The following ZFHX3 variants were observed in gnomAD, a reference collection of about 807,000 sequenced individuals.
The protein encoded by ZFHX3 is zinc finger homeobox 3.
A neutral mutation model predicts 279.1 loss-of-function variants in ZFHX3; 42 were observed. That is an observed-to-expected ratio of 0.15 (90% CI 0.12 to 0.19). The LOEUF (loss-of-function observed/expected upper bound fraction) is 0.19, where lower values mean the gene tolerates loss of function less well. ZFHX3 is among the 10% of genes least tolerant of loss of function. The probability of loss-of-function intolerance (pLI) is 1.00; values close to 1 mark genes in which losing one functional copy is unlikely to be tolerated. For synonymous variants in ZFHX3, 2,293 were observed against 1,957.8 expected, an observed-to-expected ratio of 1.17 and a Z score of -4.52; for missense variants, 4,981 against 4,754.0, an observed-to-expected ratio of 1.05 and a Z score of -1.40.
intron 3 of ZFHX3, among the ~76,000 whole-genome samples, chr16:73,407,317 A>T (rs910068703): frequency 3.2e-4 from 49 of 152,188 alleles, no homozygotes; most frequent in Non-Finnish European, 2.2e-4. Flanking sequence ...GCTGTGTACA[A>T]TCCAAAACCG....
intron 4 of ZFHX3, among the ~76,000 whole-genome samples, chr16:72,861,414 G>A (rs939737030): frequency 7.9e-5 from 12 of 152,138 alleles, no homozygotes; most frequent in Non-Finnish European, 1.5e-4. Flanking sequence ...ACAAGGACAA[G>A]CCCTCCCTGG....
chr16:73,128,566 T>C (rs1196102466), intron 7 of ZFHX3, among the ~76,000 whole-genome samples: 1 of 151,664 alleles, frequency 6.6e-6, no homozygotes, highest in Non-Finnish European at 1.5e-5. Context: ...GCTTGGGTAC[T>C]TAATAAATAA....
Position 72,794,646 on chromosome 16 carries a change from C to A in ZFHX3, c.8036G>T (p.Gly2679Val), listed in dbSNP as rs1334424966. ...KMLDHIAHEV[G>V]LKKRVVQVWF... is the part of the protein sequence containing the mutation. The stretch of plus-strand genomic sequence containing the variant: ...GACTTGTACCACACGTTTCTTCAAG[C>A]CCACCTCGTGTGCAATGTGATCCAA... Residue 2679 changes from glycine to valine, a missense_variant, in exon 9 of 10, where the codon GGC becomes GTC. Physicochemically the swap from Gly to Val is moderately radical, Grantham distance 109 (BLOSUM62 -3). Coordinates refer to ENST00000268489, the MANE Select transcript of ZFHX3 (RefSeq NM_006885.4). This position sits in a 1 kb window ranked among gnomAD's most constrained non-coding sequence, Gnocchi z 4.2. 6.2e-7 allele frequency: 1 copy of A among 1,614,102 alleles called. No individual in the cohort carries two copies. Among genetic ancestry groups the A allele is most frequent in the Admixed American group, 1.7e-5 (1 of 60,012 alleles).
At chr16:73,870,843 T>C (rs1011278102) in intron 1 of ZFHX3, among the ~76,000 whole-genome samples, 1 of 152,104 alleles carries the variant, frequency 6.6e-6, no homozygotes, top group Non-Finnish European at 1.5e-5. Flanking sequence ...GAAAGACACA[T>C]AAATACCTCC....
chr16:73,342,840 A>G (rs757837611), intron 3 of ZFHX3, among the ~76,000 whole-genome samples: 2 of 152,238 alleles, frequency 1.3e-5, no homozygotes, highest in Non-Finnish European at 2.9e-5. Flanking sequence ...AACACCCCTA[A>G]TAGAAACAAA....
intron 6 of ZFHX3, among the ~76,000 whole-genome samples, chr16:73,141,873 T>A (rs779237569): frequency 2.9e-4 from 44 of 152,196 alleles, no homozygotes; most frequent in Non-Finnish European, 4.4e-4. Context: ...TTCCTGACTG[T>A]GTGTCTGGAG....
chr16:73,864,271 T>C (rs1961955060), intron 1 of ZFHX3, among the ~76,000 whole-genome samples: 1 of 152,220 alleles, frequency 6.6e-6, no homozygotes, highest in African/African-American at 2.4e-5. Flanking sequence ...ATTAACGTAG[T>C]CAACGTTAAT....
At chr16:73,360,038 CAG>C (rs949119468) in intron 3 of ZFHX3, among the ~76,000 whole-genome samples, 2 of 152,056 alleles carry the variant, frequency 1.3e-5, no homozygotes, top group African/African-American at 4.8e-5. Flanking sequence ...GCTTTGAAGG[CAG>C]AGAGATGTGG....
At chr16:73,119,539 A>T (rs1414319192) in intron 7 of ZFHX3, among the ~76,000 whole-genome samples, 1 of 152,188 alleles carries the variant, frequency 6.6e-6, no homozygotes, top group Admixed American at 6.5e-5. Context: ...TGGGCCCTTC[A>T]TTATGCTCCT....
intron 2 of ZFHX3, among the ~76,000 whole-genome samples, chr16:73,602,410 T>C (rs1009048724): frequency 1.3e-5 from 2 of 152,130 alleles, no homozygotes; most frequent in Non-Finnish European, 2.9e-5. Flanking sequence ...AGCAACGTCT[T>C]TCTATTACGA....
chr16:72,993,757 G>A (rs1963177993), intron 1 of ZFHX3, among the ~76,000 whole-genome samples: 1 of 152,086 alleles, frequency 6.6e-6, no homozygotes, highest in African/African-American at 2.4e-5. Flanking sequence ...CAGGAGAGGC[G>A]GCAAGTTCAG....
chr16:73,426,288 G>C (rs1597331087), intron 3 of ZFHX3, among the ~76,000 whole-genome samples: 1 of 152,196 alleles, frequency 6.6e-6, no homozygotes, highest in South Asian at 2.1e-4. Context: ...GCTTTAGGAG[G>C]TTTTGTTTGT....
chr16:73,344,317 G>A (rs184368803), intron 3 of ZFHX3, among the ~76,000 whole-genome samples: 6 of 152,232 alleles, frequency 3.9e-5, no homozygotes, highest in African/African-American at 1.4e-4. Flanking sequence ...CCCAAATTGA[G>A]TAACCTTCTA....
chr16:72,829,942 A>G (rs921338329), intron 4 of ZFHX3, 83 bp from the exon 5 acceptor site: 2 of 1,409,118 alleles, frequency 1.4e-6, no homozygotes, highest in East Asian at 2.3e-5. Context: ...ACAACTGCCA[A>G]CGACAGAACA....
intron 2 of ZFHX3, among the ~76,000 whole-genome samples, chr16:73,481,613 G>GT (rs201755817): frequency 1.1e-3 from 157 of 144,794 alleles, no homozygotes; most frequent in South Asian, 7.4e-3. Context: ...TGTGCGTGGT[G>GT]TTGTTTTTTT....
At chr16:73,835,676 G>T (rs1251253928) in intron 1 of ZFHX3, among the ~76,000 whole-genome samples, 2 of 151,714 alleles carry the variant, frequency 1.3e-5, no homozygotes, top group African/African-American at 4.8e-5. Context: ...TCACCATGTT[G>T]GTCAGGCTTG....
chr16:73,766,630 T>C lies in ZFHX3; in HGVS notation c.-1607-86390A>G, dbSNP rs139117236. The stretch of plus-strand genomic sequence containing the variant: ...GGAGCTAGCTTTGGTGGAGAAAGAA[T>C]GATGCGGGATGTTGGACTAAGCGAG... On this transcript the variant is annotated intron_variant, in intron 1 of 17. Transcript: ENST00000641206. 6.7e-3 allele frequency among the ~76,000 whole-genome samples: 1,019 copies of C among 152,298 alleles called. 9 individuals carry two copies. Among genetic ancestry groups the C allele is most frequent in the African/African-American group, 0.024 (977 of 41,568 alleles).
intron 1 of ZFHX3, among the ~76,000 whole-genome samples, chr16:73,687,011 AATATATATATAT>A (rs58565282): frequency 0.021 from 1,102 of 53,144 alleles, 15 homozygotes; most frequent in Non-Finnish European, 0.025. Flanking sequence ...TTTGCAGCTA[AATATATATATAT>A]ATATATATAT....
intron 2 of ZFHX3, among the ~76,000 whole-genome samples, chr16:73,512,490 C>T (rs2019450358): frequency 7.1e-6 from 1 of 140,394 alleles, no homozygotes; most frequent in African/African-American, 2.7e-5. Flanking sequence ...CAGAAGTCTT[C>T]TGTGGAAAAA....
Sources: gnomAD v4.1 joint callset for allele counts (sites outside exome capture counted in the v4.1 genomes callset) on GRCh38, gnomAD v4.1.1 for gene constraint, Gnocchi (gnomAD v3.1) non-coding constraint, MANE v1.5 for transcripts, NCBI Gene and HGNC (gene_info 2026-07-23, HGNC 2026-07-21) for gene names.